DAB2: variants seen among roughly 807,000 people sequenced by gnomAD.
DAB2 encodes the protein disabled homolog 2.
A neutral mutation model predicts 71.6 loss-of-function variants in DAB2; 28 were observed. The ratio of observed to expected loss-of-function variants is 0.39; its 90% CI spans 0.29 to 0.54. The LOEUF (loss-of-function observed/expected upper bound fraction) is 0.54. DAB2 is among the 20% of genes least tolerant of loss of function. DAB2 has a pLI of 0.68. For missense variants in DAB2, 867 were observed against 928.8 expected (o/e 0.93, Z 0.86); for synonymous variants, 345 against 339.7 (o/e 1.02, Z -0.17).
intron 11 of DAB2, among the ~76,000 whole-genome samples, chr5:39,379,520 T>C (rs1754908578): frequency 1.3e-5 from 2 of 151,320 alleles, no homozygotes; most frequent in African/African-American, 2.4e-5. Context: ...TATATACTTA[T>C]ACCAGTCTTC....
intron 5 of DAB2, 117 bp from the exon 6 acceptor site, chr5:39,390,049 A>C: frequency 1.4e-6 from 1 of 727,122 alleles, no homozygotes; most frequent in South Asian, 2.1e-5. Context: ...ACGCCTTACT[A>C]CCCTCTGCTG....
In DAB2 at chr5:39,376,075, G is replaced by A. The variant is rs776994645; in HGVS notation, c.2169C>T (p.Ser723=). The change falls in exon 13 of 15, where the codon TCC becomes TCT. Residue 723 remains serine (S), a synonymous_variant. Coordinates refer to ENST00000320816, the MANE Select transcript of DAB2 (RefSeq NM_001343.4). ...TGTCAGTAGATTTGGTAACTGGCAG[G>A]GAAACTTGTCTGGGAGCTGGCTTTG... ...EPPKPAPRQV[S]LPVTKSTDNA... 26 of 1,613,878 alleles carry A rather than the reference G, an allele frequency of 1.6e-5. No individual in the cohort carries two copies. The South Asian group carries it at 2.9e-4, about 18-fold the overall frequency.
chr5:39,407,789 G>A (rs577792972), intron 1 of DAB2, among the ~76,000 whole-genome samples: 2 of 152,308 alleles, frequency 1.3e-5, no homozygotes, highest in Non-Finnish European at 2.9e-5. Flanking sequence ...CTATGCGGAT[G>A]TTAGAAGAGT....
At chr5:39,393,416 G>C in intron 2 of DAB2, 23 bp from the exon 3 acceptor site, 1 of 1,612,602 alleles carries the variant, frequency 6.2e-7, no homozygotes, top group South Asian at 1.1e-5. Flanking sequence ...AGGAATACAG[G>C]ATGAAGAATG....
chr5:39,387,028 T>C (rs901274051), intron 9 of DAB2, among the ~76,000 whole-genome samples: 1 of 152,180 alleles, frequency 6.6e-6, no homozygotes, highest in Admixed American at 6.5e-5. Flanking sequence ...AAAATGAATA[T>C]TAAACAGGCT....
intron 1 of DAB2, among the ~76,000 whole-genome samples, chr5:39,421,947 C>G (rs1055971724): frequency 1.3e-5 from 2 of 151,754 alleles, no homozygotes; most frequent in Middle Eastern, 3.4e-3. Flanking sequence ...GCGGGTACCT[C>G]TAATCCCAAC....
intron 1 of DAB2, among the ~76,000 whole-genome samples, chr5:39,402,364 G>A (rs1465683335): frequency 6.6e-6 from 1 of 152,158 alleles, no homozygotes; most frequent in East Asian, 1.9e-4. Flanking sequence ...AGAACAGTAA[G>A]AACCTATGCT....
In DAB2 at chr5:39,389,580, G is replaced by A. The variant is rs143798186; in HGVS notation, c.543+272C>T. On this transcript the variant is annotated intron_variant, in intron 6 of 14. Coordinates refer to ENST00000320816, the MANE Select transcript of DAB2 (RefSeq NM_001343.4). ...GGCTGGAGTGCAGTGGCACCATCTC[G>A]GCTGACTGCAACCTCTGCCTCCCGG... Among the ~76,000 whole-genome samples, 390 of 152,212 alleles carry A rather than the reference G, an allele frequency of 2.6e-3. 3 individuals are homozygous for A. Among genetic ancestry groups the A allele is most frequent in the African/African-American group, 8.9e-3 (371 of 41,530 alleles).
intron 6 of DAB2, 85 bp downstream of exon 6, chr5:39,389,767 C>T: frequency 1.3e-6 from 1 of 743,514 alleles, no homozygotes; most frequent in Non-Finnish European, 2.2e-6. Context: ...CCACCTCTGC[C>T]TCCCGAAGTG....
chr5:39,401,145 T>C (rs1755487369), intron 1 of DAB2, among the ~76,000 whole-genome samples: 1 of 152,208 alleles, frequency 6.6e-6, no homozygotes, highest in Non-Finnish European at 1.5e-5. Flanking sequence ...AAGACCAAAC[T>C]GAGCAGACAG....
At position 39,390,588 on chromosome 5, in the gene DAB2, C is replaced by T. The variant is rs774171302; in HGVS notation, c.331-13G>A. On this transcript the variant is annotated splice_polypyrimidine_tract_variant and intron_variant, in intron 4 of 14. Coordinates refer to ENST00000320816, the MANE Select transcript of DAB2 (RefSeq NM_001343.4). The stretch of plus-strand genomic sequence containing the variant: ...CATGCTCTATTACCTTAAAAAAGAA[C>T]ATAAAGAGTAATTTATTAAGAAAAC... 1.9e-6 allele frequency: 3 copies of T among 1,595,176 alleles called. No homozygotes were observed. The East Asian group carries it at 6.7e-5, about 36-fold the overall frequency.
chr5:39,384,130 A>G (rs941134129), intron 9 of DAB2, among the ~76,000 whole-genome samples: 5 of 152,214 alleles, frequency 3.3e-5, no homozygotes, highest in African/African-American at 1.2e-4. Context: ...TTGTGACAGT[A>G]ATCTCATCTA....
rs1055460944 is a variant in DAB2, at chr5:39,422,301, C to A, written c.-102+2503G>T. ...TATGTGTTTGGTTAGTTACCTAAAC[C>A]TTCCTGGCCAGTAAGCTTTCGAATC... is the stretch of plus-strand genomic sequence containing the variant. On this transcript the variant is annotated intron_variant, in intron 1 of 14. Coordinates refer to ENST00000320816, the MANE Select transcript of DAB2 (RefSeq NM_001343.4). The surrounding 1 kb of genome is among the most constrained non-coding windows in gnomAD (Gnocchi z 4.1). 1.3e-5 allele frequency among the ~76,000 whole-genome samples: 2 copies of A among 152,140 alleles called. No homozygotes were observed. The highest frequency in any genetic ancestry group is 6.6e-5 in the Admixed American group (1 of 15,266).
chr5:39,402,222 T>G lies in DAB2; in HGVS notation c.-101-7801A>C, dbSNP rs189436457. ...ATGGGAGCCACAGTTCAAGATAAGA[T>G]TTGGGTGGAGACAAAGCCAAACCAT... On this transcript the variant is annotated intron_variant, in intron 1 of 14. Coordinates refer to ENST00000320816, the MANE Select transcript of DAB2 (RefSeq NM_001343.4). Among the ~76,000 whole-genome samples the G allele has an allele frequency of 3.9e-5, 6 of 152,226 alleles. No individual in the cohort carries two copies. The East Asian group carries it at 9.7e-4, about 25-fold the overall frequency.
chr5:39,380,457 C>T (rs1026880249), intron 11 of DAB2, among the ~76,000 whole-genome samples: 2 of 152,134 alleles, frequency 1.3e-5, no homozygotes, highest in African/African-American at 2.4e-5. Flanking sequence ...CAGATTTTAC[C>T]GAAGGAGAGG....
In DAB2 at chr5:39,376,952, T is replaced by A. The variant is rs1434617007; in HGVS notation, c.1835A>T (p.His612Leu). 3 of 1,612,872 alleles carry A rather than the reference T, an allele frequency of 1.9e-6. No homozygotes were observed. The highest frequency in any genetic ancestry group is 2.5e-6 in the Non-Finnish European group (3 of 1,179,704). The change falls in exon 12 of 15, where the codon CAC (histidine) becomes CTC (leucine). Residue 612 changes from histidine (H) to leucine (L), a missense_variant. By Grantham distance (99) the His-to-Leu change is moderately conservative. Coordinates refer to ENST00000320816, the MANE Select transcript of DAB2 (RefSeq NM_001343.4). Reference sequence around the variant, plus strand: ...AGGAGGAGTGACCAGGAGAGAGGAGTGCATGGATGGGGGCTGAGTGGACAC... The same window carrying A: ...AGGAGGAGTGACCAGGAGAGAGGAGAGCATGGATGGGGGCTGAGTGGACAC... Reference protein sequence around the residue: ...PAVSTQPPSMHSSLLVTPPQP... With the variant: ...PAVSTQPPSMLSSLLVTPPQP...
intron 10 of DAB2, among the ~76,000 whole-genome samples, chr5:39,382,146 A>G (rs1036772480): frequency 7.2e-5 from 11 of 152,212 alleles, no homozygotes; most frequent in African/African-American, 2.7e-4. Context: ...ATAAGCTTAG[A>G]AAAAGCTTAT....
At chr5:39,395,754 G>A (rs1219888334) in intron 1 of DAB2, among the ~76,000 whole-genome samples, 3 of 152,074 alleles carry the variant, frequency 2.0e-5, no homozygotes, top group African/African-American at 7.2e-5. Context: ...CAGGGAGACA[G>A]TCTGTTTACA....
chr5:39,400,226 T>G (rs1755465730), intron 1 of DAB2, among the ~76,000 whole-genome samples: 1 of 151,742 alleles, frequency 6.6e-6, no homozygotes, highest in South Asian at 2.1e-4. Flanking sequence ...AAACAGAATG[T>G]GTCTCTCTTT....
Sources: gnomAD v4.1 joint callset for allele counts (sites outside exome capture counted in the v4.1 genomes callset) on GRCh38, gnomAD v4.1.1 for gene constraint, Gnocchi (gnomAD v3.1) non-coding constraint, MANE v1.5 for transcripts, NCBI Gene and HGNC (gene_info 2026-07-23, HGNC 2026-07-21) for gene names.